SAMMSON: variants seen among roughly 807,000 people sequenced by gnomAD.
SAMMSON encodes survival associated mitochondrial melanoma specific oncogenic non-coding RNA.
chr3:70,050,448 C>T (rs1228490098), intron 3 of SAMMSON, among the ~76,000 whole-genome samples: 1 of 152,088 alleles, frequency 6.6e-6, no homozygotes, highest in Non-Finnish European at 1.5e-5. Flanking sequence ...AAAAGACAGG[C>T]TTGAAATTTC....
chr3:70,141,477 G>T (rs77024749), intron 4 of SAMMSON, among the ~76,000 whole-genome samples: 4,738 of 152,220 alleles, frequency 0.031, 156 homozygotes, highest in East Asian at 0.18. Context: ...TGATGAGAGT[G>T]ATCTTTACTC....
chr3:70,355,632 A>G (rs1265554433), intron 8 of SAMMSON, among the ~76,000 whole-genome samples: 1 of 152,190 alleles, frequency 6.6e-6, no homozygotes, highest in Non-Finnish European at 1.5e-5. Flanking sequence ...AAATCTTTGG[A>G]GTGAGCTAAA....
intron 7 of SAMMSON, among the ~76,000 whole-genome samples, chr3:70,330,839 TATAA>T (rs1311568902): frequency 3.9e-5 from 6 of 152,172 alleles, no homozygotes; most frequent in Middle Eastern, 3.4e-3. Context: ...CACAAAATAA[TATAA>T]ATAGACATTT....
At chr3:70,130,457 G>T (rs1411205168) in intron 4 of SAMMSON, among the ~76,000 whole-genome samples, 1 of 152,196 alleles carries the variant, frequency 6.6e-6, no homozygotes, top group Non-Finnish European at 1.5e-5. Flanking sequence ...TACATCCCAT[G>T]CTGTATGCTA....
chr3:70,051,134 C>CAAAAAAAAAA (rs71126477), intron 3 of SAMMSON, among the ~76,000 whole-genome samples: 474 of 45,242 alleles, frequency 0.01, no homozygotes, highest in Non-Finnish European at 0.013. Flanking sequence ...TACTCCATCT[C>CAAAAAAAAAA]AAAAAAAAAA....
chr3:70,146,430 A>T (rs188174589), intron 4 of SAMMSON, among the ~76,000 whole-genome samples: 5 of 152,060 alleles, frequency 3.3e-5, no homozygotes, highest in Admixed American at 2.6e-4. Flanking sequence ...ATATTAGCTA[A>T]TCATATCCAG....
chr3:70,187,716 C>G (rs6549294), intron 4 of SAMMSON, among the ~76,000 whole-genome samples: 151,054 of 151,930 alleles, frequency 0.99, 75,097 homozygotes, highest in East Asian at 1. Context: ...GATTACAGGC[C>G]TGAGCCACCG....
At chr3:70,261,229 A>C (rs942146761) in intron 6 of SAMMSON, among the ~76,000 whole-genome samples, 4 of 152,218 alleles carry the variant, frequency 2.6e-5, no homozygotes, top group African/African-American at 9.6e-5. Flanking sequence ...CATTCACAAG[A>C]GTCAATCTTG....
chr3:70,340,687 G>A (rs1385133912), intron 7 of SAMMSON, among the ~76,000 whole-genome samples: 1 of 152,072 alleles, frequency 6.6e-6, no homozygotes, highest in Non-Finnish European at 1.5e-5. Flanking sequence ...TTCCATACCT[G>A]TTGTCACGAT....
intron 4 of SAMMSON, among the ~76,000 whole-genome samples, chr3:70,204,152 A>T (rs1701268484): frequency 6.6e-6 from 1 of 152,200 alleles, no homozygotes; most frequent in Non-Finnish European, 1.5e-5. Flanking sequence ...AGATATTAGC[A>T]ATTAAGCATC....
intron 7 of SAMMSON, among the ~76,000 whole-genome samples, chr3:70,339,793 TAC>T (rs1702696093): frequency 6.6e-6 from 1 of 152,150 alleles, no homozygotes; most frequent in South Asian, 2.1e-4. Flanking sequence ...GGAACACTTT[TAC>T]ACCATTGGTG....
At chr3:70,187,837 C>T (rs1701103567) in intron 4 of SAMMSON, among the ~76,000 whole-genome samples, 1 of 152,000 alleles carries the variant, frequency 6.6e-6, no homozygotes, top group African/African-American at 2.4e-5. Context: ...TTTTTCTGGG[C>T]AAAGGCAACT....
chr3:70,296,400 G>GA, intron 7 of SAMMSON, among the ~76,000 whole-genome samples: 1 of 151,996 alleles, frequency 6.6e-6, no homozygotes, highest in African/African-American at 2.4e-5. Flanking sequence ...CCAGAAAATG[G>GA]ACCTAATTTT....
At chr3:70,064,170 T>G (rs1260818944) in intron 3 of SAMMSON, among the ~76,000 whole-genome samples, 2 of 152,112 alleles carry the variant, frequency 1.3e-5, no homozygotes, top group African/African-American at 4.8e-5. Flanking sequence ...TTTGAGACTG[T>G]GAATGAAGCA....
intron 3 of SAMMSON, among the ~76,000 whole-genome samples, chr3:70,019,771 G>C (rs2067003970): frequency 6.6e-6 from 1 of 152,118 alleles, no homozygotes; most frequent in East Asian, 1.9e-4. Context: ...TTGTAGGGCT[G>C]ACCTGGTGGT....
At chr3:70,403,427 T>C (rs1245547739) in intron 2 of SAMMSON, among the ~76,000 whole-genome samples, 1 of 152,202 alleles carries the variant, frequency 6.6e-6, no homozygotes, top group East Asian at 1.9e-4. Context: ...AGAGTCTTAG[T>C]GGTTCAAAAC....
intron 4 of SAMMSON, among the ~76,000 whole-genome samples, chr3:70,088,205 C>T (rs562534475): frequency 9.8e-4 from 149 of 152,244 alleles, no homozygotes; most frequent in Admixed American, 1.9e-3. Flanking sequence ...CTAATGCTTC[C>T]AACAGACATT....
At chr3:70,103,861 A>C (rs1351398108) in intron 4 of SAMMSON, among the ~76,000 whole-genome samples, 1 of 152,220 alleles carries the variant, frequency 6.6e-6, no homozygotes, top group Non-Finnish European at 1.5e-5. Context: ...TTAAATTGTG[A>C]TAGTTACTAA....
At chr3:70,282,310 T>C (rs1702093822) in intron 6 of SAMMSON, among the ~76,000 whole-genome samples, 1 of 152,172 alleles carries the variant, frequency 6.6e-6, no homozygotes, top group Non-Finnish European at 1.5e-5. Context: ...AGAAGATGTA[T>C]CCACCACATG....
Sources: allele counts gnomAD v4.1 joint callset (sites outside exome capture counted in the v4.1 genomes callset), GRCh38; gene constraint gnomAD v4.1.1; transcripts MANE v1.5; gene names NCBI Gene and HGNC (gene_info 2026-07-23, HGNC 2026-07-21).